Variants in IRAK3 observed in about 807,000 individuals in gnomAD.
IRAK3 encodes interleukin 1 receptor associated kinase 3.
A neutral mutation model predicts 56.6 loss-of-function variants in IRAK3; 57 were observed. The ratio of observed to expected loss-of-function variants is 1.01; its 90% CI spans 0.81 to 1.26. IRAK3 has a LOEUF of 1.26. Among genes scored for constraint, IRAK3 ranks in the 50% most tolerant of loss-of-function variants. The pLI is 0.00. For missense variants in IRAK3, 703 were observed against 719.0 expected, an observed-to-expected ratio of 0.98 and a Z score of 0.25; for synonymous variants, 258 against 255.7, an observed-to-expected ratio of 1.01 and a Z score of -0.09.
At chr12:66,240,878 C>CTCTA (rs2052962601) in intron 8 of IRAK3, among the ~76,000 whole-genome samples, 1 of 149,552 alleles carries the variant, frequency 6.7e-6, no homozygotes, top group Non-Finnish European at 1.5e-5. Context: ...GTATATATAT[C>CTCTA]TCTCTCTCTT....
intron 8 of IRAK3, among the ~76,000 whole-genome samples, chr12:66,230,635 C>A (rs1231088006): frequency 6.6e-6 from 1 of 151,514 alleles, no homozygotes. Flanking sequence ...GAACCAGAGC[C>A]TCCCTGGAAC....
At chr12:66,220,523 T>C in intron 6 of IRAK3, among the ~76,000 whole-genome samples, 1 of 130,052 alleles carries the variant, frequency 7.7e-6, no homozygotes, top group Non-Finnish European at 1.6e-5. Context: ...TCTTTTTTTT[T>C]TTTTTTTTTT....
intron 11 of IRAK3, among the ~76,000 whole-genome samples, chr12:66,245,568 C>T (rs2053022874): frequency 4.7e-5 from 2 of 42,252 alleles, no homozygotes; most frequent in South Asian, 1.7e-3. Context: ...GACAGAGTCT[C>T]ACTCTGCTGC....
At chr12:66,239,298 A>AC (rs1213195563) in intron 8 of IRAK3, among the ~76,000 whole-genome samples, 1 of 32,634 alleles carries the variant, frequency 3.1e-5, no homozygotes, top group African/African-American at 5.5e-5. Flanking sequence ...TTCAAAATGG[A>AC]CTTTTTTTTT....
chr12:66,222,568 A>T (rs896757816), intron 6 of IRAK3, among the ~76,000 whole-genome samples: 52 of 152,070 alleles, frequency 3.4e-4, no homozygotes, highest in Admixed American at 6.5e-5. Flanking sequence ...CAAAAAAACA[A>T]GTCTCATAGT....
At chr12:66,236,693 G>A (rs1427693015) in intron 8 of IRAK3, among the ~76,000 whole-genome samples, 1 of 152,158 alleles carries the variant, frequency 6.6e-6, no homozygotes, top group Non-Finnish European at 1.5e-5. Context: ...ACAGTCTTAA[G>A]GTGACCTCTT....
intron 2 of IRAK3, among the ~76,000 whole-genome samples, chr12:66,204,739 T>C (rs1255922733): frequency 6.6e-6 from 1 of 151,694 alleles, no homozygotes; most frequent in Non-Finnish European, 1.5e-5. Context: ...TTTGCACACA[T>C]GTTCTTTGGT....
intron 8 of IRAK3, chr12:66,234,394 C>G: frequency 6.2e-7 from 1 of 1,611,646 alleles, no homozygotes; most frequent in Non-Finnish European, 8.5e-7. Flanking sequence ...GACTTTGCAC[C>G]TGGTAGGCAG....
intron 8 of IRAK3, among the ~76,000 whole-genome samples, chr12:66,237,195 G>A (rs948146828): frequency 1.3e-5 from 2 of 152,096 alleles, no homozygotes; most frequent in Non-Finnish European, 2.9e-5. Context: ...GCATTGTGAG[G>A]AGGAAGTGAG....
intron 3 of IRAK3, 137 bp downstream of exon 3, chr12:66,209,657 A>G (rs931121264): frequency 1.4e-6 from 1 of 694,292 alleles, no homozygotes; most frequent in African/African-American, 1.8e-5. Context: ...TTGTTCTCTC[A>G]TTATTCTCTA....
At chr12:66,245,489 A>G (rs1466271041) in intron 11 of IRAK3, among the ~76,000 whole-genome samples, 1 of 151,888 alleles carries the variant, frequency 6.6e-6, no homozygotes, top group Admixed American at 6.6e-5. Context: ...TTTAATGTAA[A>G]GACATAAATG....
intron 1 of IRAK3, among the ~76,000 whole-genome samples, chr12:66,199,960 G>A (rs528726292): frequency 2.2e-4 from 34 of 152,270 alleles, no homozygotes; most frequent in African/African-American, 8.2e-4. Context: ...TCTCTTCAAA[G>A]AGATGAGGAA....
At chr12:66,222,635 A>T (rs535618047) in intron 6 of IRAK3, among the ~76,000 whole-genome samples, 147 of 152,086 alleles carry the variant, frequency 9.7e-4, no homozygotes, top group African/African-American at 3.4e-3. Flanking sequence ...GATATATTTT[A>T]TTTTCTATGA....
At chr12:66,196,835 A>G in intron 1 of IRAK3, 1 of 1,447,640 alleles carries the variant, frequency 6.9e-7, no homozygotes, top group Non-Finnish European at 9.0e-7. Flanking sequence ...AATTTTTTGC[A>G]TGCTTTGTAG....
chr12:66,205,236 C>T (rs1461889841), intron 2 of IRAK3, among the ~76,000 whole-genome samples: 2 of 152,156 alleles, frequency 1.3e-5, no homozygotes, highest in African/African-American at 4.8e-5. Flanking sequence ...ATTTGTGCAG[C>T]AGAGAATAAT....
chr12:66,228,170 T>C (rs1396439311), intron 7 of IRAK3, 82 bp from the exon 8 acceptor site: 1 of 987,218 alleles, frequency 1.0e-6, no homozygotes, highest in East Asian at 2.4e-5. Flanking sequence ...CTACTTCTAT[T>C]CTGGTGTATG....
Position 66,225,156 on chromosome 12 carries a change from A to C in IRAK3, c.654-1567A>C, listed in dbSNP as rs541552906. Among the ~76,000 whole-genome samples the C allele has an allele frequency of 9.2e-5, 14 of 152,260 alleles. No individual in the cohort carries two copies. The South Asian group carries it at 2.9e-3, about 32-fold the overall frequency. On this transcript the variant is annotated intron_variant, in intron 6 of 11. Transcript: ENST00000261233. ...TGGCTCTGTCTATCTGATGTCCACTATCTACTGCCTTCCAAAAGATTAGTC... is the reference window on the plus strand; with the variant it reads ...TGGCTCTGTCTATCTGATGTCCACTCTCTACTGCCTTCCAAAAGATTAGTC...
intron 6 of IRAK3, among the ~76,000 whole-genome samples, chr12:66,221,830 A>G (rs1266013280): frequency 6.6e-6 from 1 of 152,156 alleles, no homozygotes. Flanking sequence ...GGAGTTCAAG[A>G]CCAGCCTGGC....
intron 11 of IRAK3, among the ~76,000 whole-genome samples, chr12:66,245,765 C>T (rs1032173663): frequency 6.6e-6 from 1 of 152,064 alleles, no homozygotes; most frequent in South Asian, 2.1e-4. Context: ...CTCCTGACCT[C>T]AAGTGATCCA....
Sources: gnomAD v4.1 joint callset for allele counts (sites outside exome capture counted in the v4.1 genomes callset) on GRCh38, gnomAD v4.1.1 for gene constraint, MANE v1.5 for transcripts, NCBI Gene and HGNC (gene_info 2026-07-23, HGNC 2026-07-21) for gene names.